Variants in GNL3 observed in about 807,000 individuals in gnomAD.
The protein encoded by GNL3 is G protein nucleolar 3, also known as guanine nucleotide-binding protein-like 3.
In GNL3, 77 loss-of-function variants were observed where a neutral mutation model predicts 70.6. The observed-to-expected ratio is 1.09, with a 90% CI of 0.91 to 1.32. GNL3 has a LOEUF of 1.32. GNL3 is among the 40% of genes most tolerant of loss of function. GNL3 has a pLI of 0.00. For missense variants in GNL3, 634 were observed against 644.0 expected (o/e 0.98, Z 0.17); for synonymous variants, 252 against 216.1 (o/e 1.17, Z -1.46).
intron 2 of GNL3, 105 bp from the exon 3 acceptor site, chr3:52,687,141 A>C: frequency 1.1e-6 from 1 of 929,882 alleles, no homozygotes; most frequent in Non-Finnish European, 1.7e-6. Context: ...TTCCTAGGAC[A>C]TTTTATAGGC....
intron 1 of GNL3, chr3:52,686,352 C>T: frequency 3.4e-6 from 2 of 591,332 alleles, no homozygotes; most frequent in Non-Finnish European, 6.0e-6. Context: ...GCTAGATTTT[C>T]GTAAGGAAGC....
rs776899713 is a variant in GNL3 at position 52,687,250 on chromosome 3, G to A, written c.77G>A (p.Arg26Gln). ...AAAATCTCTTTATTTTAATAGGTTCGAGAACATCATCGAAAATTAAGAAAG... is the reference window on the plus strand; with the variant it reads ...AAAATCTCTTTATTTTAATAGGTTCAAGAACATCATCGAAAATTAAGAAAG... The part of the protein sequence containing the change: ...HKRYKIQKKV[R>Q]EHHRKLRKEA... Residue 26 changes from arginine (R) to glutamine (Q), a missense_variant, in exon 3 of 15, where the codon CGA (arginine) becomes CAA (glutamine). By Grantham distance (43) the Arg-to-Gln change is conservative. Coordinates refer to ENST00000418458, the MANE Select transcript of GNL3 (RefSeq NM_014366.5). 1.9e-6 allele frequency: 3 copies of A among 1,611,640 alleles called. No homozygotes were observed. Among genetic ancestry groups the A allele is most frequent in the East Asian group, 2.2e-5 (1 of 44,858 alleles).
At position 52,693,799 on chromosome 3, in the gene GNL3, G is replaced by T; in HGVS notation, c.1492G>T (p.Glu498Ter). 2 of 1,613,084 alleles carry T rather than the reference G, an allele frequency of 1.2e-6. No individual in the cohort carries two copies. The highest frequency in any genetic ancestry group is 1.7e-6 in the Non-Finnish European group (2 of 1,179,126). Residue 498 changes from glutamate to a stop codon, truncating the protein, a stop_gained, in exon 13 of 15, where the codon GAA becomes TAA. Transcript: ENST00000418458. LOFTEE classifies it high-confidence loss of function. ...CAGTGACCAGGAAACTGTTGATGAA[G>T]AAGTTGATGTAAGTGTGTCCTCCAT... is the stretch of plus-strand genomic sequence containing the variant. ...KDSDQETVDE[E>*]VDENSSGMFA... is the part of the protein sequence containing the mutation.
chr3:52,694,106 G>A lies in GNL3; in HGVS notation c.1567+3G>A, dbSNP rs2097330279. On this transcript the variant is annotated splice_donor_region_variant and intron_variant, in intron 14 of 14. Transcript: ENST00000418458. ...ACTGTCTGAGGAGACTACAGCAGGT[G>A]AGGCAGGCAAAAGGGGTTCTAACGA... The A allele has an allele frequency of 6.2e-7, 1 of 1,610,906 alleles. No individual in the cohort carries two copies. The highest frequency in any genetic ancestry group is 8.5e-7 in the Non-Finnish European group (1 of 1,177,018).
upstream of GNL3, chr3:52,685,973 A>C: frequency 6.7e-6 from 5 of 750,882 alleles, no homozygotes; most frequent in Non-Finnish European, 9.9e-6. Flanking sequence ...GCGCACGCAG[A>C]GAGGCGGTGA....
rs1401802748 is a variant in GNL3, at chr3:52,690,694, A to G, written c.644A>G (p.Lys215Arg). ...RASTKPKDKGKITKRVKAKKN... is the reference protein window; with the variant it reads ...RASTKPKDKGRITKRVKAKKN... ...TCAACAAAACCAAAGGATAAAGGGA[A>G]GATAACCAAGGTATCCTTTATTAGT... The change falls in exon 7 of 15, where the codon AAG (lysine) becomes AGG (arginine). Residue 215 changes from lysine to arginine, a missense_variant. Coordinates refer to ENST00000418458, the MANE Select transcript of GNL3 (RefSeq NM_014366.5). The G allele has an allele frequency of 1.3e-6, 2 of 1,557,550 alleles. No homozygotes were observed. The highest frequency in any genetic ancestry group is 1.8e-6 in the Non-Finnish European group (2 of 1,128,728).
chr3:52,691,004 G>C lies in GNL3; in HGVS notation c.714G>C (p.Glu238Asp). Residue 238 changes from glutamate (E) to aspartate (D), a missense_variant, in exon 8 of 15, where the codon GAG becomes GAC. Glu to Asp is a conservative substitution (Grantham distance 45). Transcript: ENST00000418458. ...PFRSEVCFGK[E>D]GLWKLLGGFQ... Reference sequence around the variant, plus strand: ...GAAGTGAAGTCTGCTTTGGGAAAGAGGGCCTTTGGAAACTTCTTGGAGGTT... The same window carrying C: ...GAAGTGAAGTCTGCTTTGGGAAAGACGGCCTTTGGAAACTTCTTGGAGGTT... 7 of 1,613,696 alleles carry C rather than the reference G, an allele frequency of 4.3e-6. No individual in the cohort carries two copies. Among genetic ancestry groups the C allele is most frequent in the African/African-American group, 1.3e-5 (1 of 75,048 alleles).
rs142403641 is a variant in GNL3, at chr3:52,693,218, G to C, written c.1076G>C (p.Arg359Thr). Residue 359 changes from arginine to threonine, a missense_variant, in exon 11 of 15, where the codon AGG becomes ACG. Arg to Thr is a moderately conservative substitution (Grantham distance 71, BLOSUM62 -1). Transcript: ENST00000418458. ...VVLKYTVPGYRNSLEFFTVLA... is the reference protein window; with the variant it reads ...VVLKYTVPGYTNSLEFFTVLA... Reference sequence around the variant, plus strand: ...CTGAAATATACTGTCCCAGGCTACAGGAATTCTCTGGAATTTTTTACTGTG... The same window carrying C: ...CTGAAATATACTGTCCCAGGCTACACGAATTCTCTGGAATTTTTTACTGTG... 23 of 1,613,546 alleles carry C rather than the reference G, an allele frequency of 1.4e-5. No homozygotes were observed. In the African/African-American group the frequency reaches 2.9e-4, roughly 21 times the overall value.
rs892838790 is a variant in GNL3, at chr3:52,694,047, C to T, written c.1511C>T (p.Ser504Leu). 8 of 1,613,628 alleles carry T rather than the reference C, an allele frequency of 5.0e-6. No individual in the cohort carries two copies. The African/African-American group carries it at 9.3e-5, about 19-fold the overall frequency. The change falls in exon 14 of 15, where the codon TCA becomes TTA. Residue 504 changes from serine to leucine, a missense_variant. By Grantham distance (145) the Ser-to-Leu change is moderately radical. Coordinates refer to ENST00000418458, the MANE Select transcript of GNL3 (RefSeq NM_014366.5). ...TTCTTTGTCACACAGGAAAACAGCT[C>T]AGGCATGTTTGCTGCAGAAGAGACA... ...TVDEEVDENS[S>L]GMFAAEETGE... is the part of the protein sequence containing the mutation.
chr3:52,686,197 C>T (rs2097309811), intron 1 of GNL3, 92 bp downstream of exon 1: 2 of 1,422,718 alleles, frequency 1.4e-6, no homozygotes, highest in East Asian at 2.3e-5. Flanking sequence ...GGCTTTGTCT[C>T]TGCTGGTATG....
chr3:52,691,785 C>T (rs559344938), intron 9 of GNL3, among the ~76,000 whole-genome samples, 156 bp downstream of exon 9: 1 of 151,738 alleles, frequency 6.6e-6, no homozygotes, highest in East Asian at 1.9e-4. Flanking sequence ...TCACTGCAAC[C>T]TCCACCTCTC....
rs772751439 is a variant in GNL3 at position 52,693,532 on chromosome 3, C to T, written c.1312C>T (p.Gln438Ter). 6.2e-7 allele frequency: 1 copy of T among 1,614,168 alleles called. No individual in the cohort carries two copies. Among genetic ancestry groups the T allele is most frequent in the Non-Finnish European group, 8.5e-7 (1 of 1,180,026 alleles). The change falls in exon 12 of 15, where the codon CAG becomes TAG. Residue 438 changes from glutamine to a stop codon, truncating the protein, a stop_gained. Coordinates refer to ENST00000418458, the MANE Select transcript of GNL3 (RefSeq NM_014366.5). LOFTEE classifies it high-confidence loss of function. ...NLEELEKNNA[Q>*]SIRAIKGPHL... ...GGAAGAACTGGAAAAGAACAATGCA[C>T]AGAGCATAAGAGGTGAGAATTGTGT...
intron 1 of GNL3, 33 bp downstream of exon 1, chr3:52,686,138 C>CCCACGTCTGGAAGTTGCTGCAGCCA: frequency 6.3e-7 from 1 of 1,593,020 alleles, no homozygotes. Context: ...CGTGGAGGGA[C>CCCACGTCTGGAAGTTGCTGCAGCCA]CCACGTCTGG....
At chr3:52,689,513 A>G (rs761556979) in intron 6 of GNL3, among the ~76,000 whole-genome samples, 14 of 152,202 alleles carry the variant, frequency 9.2e-5, no homozygotes, top group Non-Finnish European at 1.9e-4. Context: ...CAAATTCCCC[A>G]CACCTACACA....
chr3:52,691,397 A>G lies in GNL3; in HGVS notation c.782-145A>G, dbSNP rs896198662. ...TTGTGCAAGAAATGAAGAAACTAAA[A>G]TTGGTCTTAGTATTGAAGTGAAGAC... is the stretch of plus-strand genomic sequence containing the variant. On this transcript the variant is annotated intron_variant, in intron 8 of 14. Coordinates refer to ENST00000418458, the MANE Select transcript of GNL3 (RefSeq NM_014366.5). The G allele has an allele frequency of 2.0e-5, 13 of 655,462 alleles. No homozygotes were observed. The African/African-American group carries it at 2.0e-4, about 10-fold the overall frequency. 40.6% of individuals were successfully genotyped at this position (655,462 alleles called of 1,614,324 possible). A position where few individuals can be genotyped will look rare whatever the true frequency, so the allele number is the denominator to read the frequency against.
rs1042815190 is a variant in GNL3, at chr3:52,693,862, C to T, written c.1500+55C>T. On this transcript the variant is annotated intron_variant, in intron 13 of 14. Coordinates refer to ENST00000418458, the MANE Select transcript of GNL3 (RefSeq NM_014366.5). ...AAGTGAGTTTTCTAGCATTATAATA[C>T]ATAATGGAAGGAACTGAAGATAGGA... 3.1e-5 allele frequency: 45 copies of T among 1,442,672 alleles called. No individual in the cohort carries two copies. In the African/African-American group the frequency reaches 5.9e-4, roughly 19 times the overall value. The allele number at this position is 1,442,672 out of a possible 1,614,324, so 89.4% of individuals were successfully genotyped here.
rs555603488 is a variant in GNL3, at chr3:52,693,042, G to A, written c.1040G>A (p.Arg347Gln). 19 of 1,614,028 alleles carry A rather than the reference G, an allele frequency of 1.2e-5. No homozygotes were observed. Among genetic ancestry groups the A allele is most frequent in the Middle Eastern group, 1.6e-4 (1 of 6,062 alleles). ...ASAILSQADA[R>Q]QVVLKYTVPG... Reference sequence around the variant, plus strand: ...GCCATCCTTTCCCAGGCTGATGCTCGACAGGTAAAAGGACCCCTTCTCATG... The same window carrying A: ...GCCATCCTTTCCCAGGCTGATGCTCAACAGGTAAAAGGACCCCTTCTCATG... The change falls in exon 10 of 15, where the codon CGA becomes CAA. Residue 347 changes from arginine to glutamine, a missense_variant. Arg to Gln is a conservative substitution (Grantham distance 43). Transcript: ENST00000418458.
rs1108842 is a variant in GNL3 at position 52,686,064 on chromosome 3, A to C, written c.-29A>C. On this transcript the variant is annotated 5_prime_UTR_variant, in exon 1 of 15. An upstream start codon of the reference 5' UTR is lost. Coordinates refer to ENST00000418458, the MANE Select transcript of GNL3 (RefSeq NM_014366.5). ...ACGTGGCGCCAGCGGAGGCAGGTTG[A>C]TGTGTTTGTGCTTCCTTCTACAGCC... 0.5 allele frequency: 498,137 copies of C among 1,000,910 alleles called. 127,070 individuals carry two copies. The highest frequency in any genetic ancestry group is 0.61 in the Admixed American group (36,279 of 59,240). The allele number at this position is 1,000,910 out of a possible 1,614,324, so 62.0% of individuals were successfully genotyped here.
rs555603488 is a variant in GNL3, at chr3:52,693,042, G to T, written c.1040G>T (p.Arg347Leu). The stretch of plus-strand genomic sequence containing the variant: ...GCCATCCTTTCCCAGGCTGATGCTC[G>T]ACAGGTAAAAGGACCCCTTCTCATG... ...ASAILSQADA[R>L]QVVLKYTVPG... Residue 347 changes from arginine (R) to leucine (L), a missense_variant, in exon 10 of 15, where the codon CGA becomes CTA. Arg to Leu is a moderately radical substitution (Grantham distance 102). Coordinates refer to ENST00000418458, the MANE Select transcript of GNL3 (RefSeq NM_014366.5). 6.2e-7 allele frequency: 1 copy of T among 1,614,026 alleles called. No individual in the cohort carries two copies. The highest frequency in any genetic ancestry group is 1.1e-5 in the South Asian group (1 of 91,060).
Sources: gnomAD v4.1 joint callset for allele counts (sites outside exome capture counted in the v4.1 genomes callset) on GRCh38, gnomAD v4.1.1 for gene constraint, MANE v1.5 for transcripts, NCBI Gene and HGNC (gene_info 2026-07-23, HGNC 2026-07-21) for gene names.